LRBA: variants seen among roughly 807,000 people sequenced by gnomAD.
LRBA encodes the protein LPS responsive beige-like anchor protein.
Under a neutral mutation model 330.0 loss-of-function variants are expected in LRBA, and 176 were observed. The observed-to-expected ratio is 0.53, with a 90% confidence interval of 0.47 to 0.60. The LOEUF (loss-of-function observed/expected upper bound fraction) is 0.60, where lower values mean the gene tolerates loss of function less well. LRBA is among the 20% of genes least tolerant of loss of function. LRBA has a pLI of 0.00. For synonymous variants in LRBA, 1,230 were observed against 1,193.0 expected, an observed-to-expected ratio of 1.03 and a Z score of -0.64; for missense variants, 3,259 against 3,444.8, an observed-to-expected ratio of 0.95 and a Z score of 1.35.
chr4:150,562,085 C>G (rs563418163), intron 40 of LRBA, among the ~76,000 whole-genome samples: 1 of 125,714 alleles, frequency 8.0e-6, no homozygotes, highest in East Asian at 2.5e-4. Context: ...TCCCCCTTAG[C>G]CTCTCCTTCA....
At chr4:150,829,479 G>A (rs917462222) in intron 29 of LRBA, among the ~76,000 whole-genome samples, 1 of 152,056 alleles carries the variant, frequency 6.6e-6, no homozygotes, top group Non-Finnish European at 1.5e-5. Context: ...AACTCCAATG[G>A]TCAGTGTTCA....
intron 13 of LRBA, among the ~76,000 whole-genome samples, chr4:150,904,159 T>C (rs566220992): frequency 3.9e-5 from 6 of 152,358 alleles, no homozygotes; most frequent in South Asian, 2.1e-4. Flanking sequence ...CAGAGGTGGA[T>C]TGACCACGAA....
At chr4:150,692,894 A>G (rs971799690) in intron 36 of LRBA, among the ~76,000 whole-genome samples, 2 of 152,216 alleles carry the variant, frequency 1.3e-5, no homozygotes, top group Admixed American at 1.3e-4. Flanking sequence ...ATTAAAAGTG[A>G]AAATATGAAC....
rs189122160 is a variant in LRBA at position 150,427,596 on chromosome 4, T to A, written c.7041+7993A>T. Among the ~76,000 whole-genome samples, 3 of 151,160 alleles carry A rather than the reference T, an allele frequency of 2.0e-5. No homozygotes were observed. In the East Asian group the frequency reaches 5.9e-4, roughly 29 times the overall value. On this transcript the variant is annotated intron_variant, in intron 46 of 56. Coordinates refer to ENST00000651943, the MANE Select transcript of LRBA (RefSeq NM_001364905.1). Reference sequence around the variant, plus strand: ...AAAAAACAGAAGGAAGGAGGGAAGATAGGAAGGAGAAAGGAATGAGCACTT... The same window carrying A: ...AAAAAACAGAAGGAAGGAGGGAAGAAAGGAAGGAGAAAGGAATGAGCACTT...
intron 35 of LRBA, among the ~76,000 whole-genome samples, chr4:150,750,417 G>A (rs762111314): frequency 7.9e-5 from 12 of 151,728 alleles, no homozygotes; most frequent in South Asian, 4.2e-4. Context: ...CCTTATATCC[G>A]TTTCAATCCT....
chr4:150,277,430 A>G (rs1443554030), intron 56 of LRBA, among the ~76,000 whole-genome samples: 1 of 152,110 alleles, frequency 6.6e-6, no homozygotes, highest in African/African-American at 2.4e-5. Context: ...AAAAAAAGAT[A>G]CTTCAAAGAA....
intron 42 of LRBA, among the ~76,000 whole-genome samples, chr4:150,482,113 G>A (rs1440678697): frequency 1.3e-5 from 2 of 151,928 alleles, no homozygotes; most frequent in Non-Finnish European, 2.9e-5. Flanking sequence ...TAAACATAGA[G>A]GCTTATGTAA....
intron 2 of LRBA, among the ~76,000 whole-genome samples, chr4:150,974,950 T>C (rs1313386597): frequency 2.0e-5 from 3 of 152,108 alleles, no homozygotes; most frequent in Admixed American, 2.0e-4. Flanking sequence ...AGGCCAAAAC[T>C]TGTGGTCTGA....
At chr4:150,393,871 C>T (rs770377075) in intron 47 of LRBA, among the ~76,000 whole-genome samples, 1 of 152,140 alleles carries the variant, frequency 6.6e-6, no homozygotes, top group Non-Finnish European at 1.5e-5. Context: ...ATTCTATCAA[C>T]CAATGCTAGA....
At chr4:150,713,291 A>G (rs1045447721) in intron 36 of LRBA, among the ~76,000 whole-genome samples, 1 of 152,182 alleles carries the variant, frequency 6.6e-6, no homozygotes, top group African/African-American at 2.4e-5. Flanking sequence ...CTGTACCATA[A>G]AGAAATATAA....
intron 4 of LRBA, among the ~76,000 whole-genome samples, chr4:150,925,407 A>T (rs1303464760): frequency 6.6e-6 from 1 of 152,166 alleles, no homozygotes; most frequent in Non-Finnish European, 1.5e-5. Flanking sequence ...CTATGTGAGA[A>T]TTTCTTGGAA....
chr4:150,502,425 C>T (rs1187491060), intron 40 of LRBA, among the ~76,000 whole-genome samples: 1 of 152,136 alleles, frequency 6.6e-6, no homozygotes, highest in Non-Finnish European at 1.5e-5. Context: ...CACAACTAGG[C>T]AAAAATCACT....
Position 150,381,794 on chromosome 4 carries a change from T to C in LRBA, c.7195-31635A>G, listed in dbSNP as rs1444105857. Among the ~76,000 whole-genome samples, 4 of 152,234 alleles carry C rather than the reference T, an allele frequency of 2.6e-5. No homozygotes were observed. The East Asian group carries it at 5.8e-4, about 22-fold the overall frequency. Reference sequence around the variant, plus strand: ...ATTTTACATTCCCAAGAGTAATGCCTGAGGGTTACAGTTTTTACATATCTT... The same window carrying C: ...ATTTTACATTCCCAAGAGTAATGCCCGAGGGTTACAGTTTTTACATATCTT... On this transcript the variant is annotated intron_variant, in intron 47 of 56. Transcript: ENST00000651943.
chr4:150,399,544 G>A (rs1745191119), intron 47 of LRBA, among the ~76,000 whole-genome samples: 1 of 152,166 alleles, frequency 6.6e-6, no homozygotes, highest in Admixed American at 6.5e-5. Context: ...ATCTCATGGT[G>A]AAAATGAGAT....
chr4:150,274,999 T>C (rs1468113623), intron 56 of LRBA, among the ~76,000 whole-genome samples: 1 of 152,162 alleles, frequency 6.6e-6, no homozygotes, highest in African/African-American at 2.4e-5. Flanking sequence ...CAGGCCAATA[T>C]GCCTAATGAA....
intron 53 of LRBA, among the ~76,000 whole-genome samples, chr4:150,291,873 C>A (rs2126803592): frequency 6.6e-6 from 1 of 152,222 alleles, no homozygotes; most frequent in East Asian, 1.9e-4. Flanking sequence ...CAAATATACA[C>A]CATGGAATAC....
intron 34 of LRBA, among the ~76,000 whole-genome samples, chr4:150,788,761 C>CAA (rs34603148): frequency 8.1e-6 from 1 of 123,954 alleles, no homozygotes; most frequent in Non-Finnish European, 1.7e-5. Flanking sequence ...ACTTCGTCTC[C>CAA]AAAAAAAAAA....
intron 53 of LRBA, among the ~76,000 whole-genome samples, chr4:150,300,641 C>T (rs1027318086): frequency 3.9e-5 from 6 of 151,912 alleles, no homozygotes; most frequent in Non-Finnish European, 8.8e-5. Flanking sequence ...AGGATTTGTT[C>T]AGTCCTACTT....
intron 37 of LRBA, among the ~76,000 whole-genome samples, chr4:150,656,516 T>G (rs1299779884): frequency 6.6e-6 from 1 of 152,238 alleles, no homozygotes; most frequent in African/African-American, 2.4e-5. Context: ...CTGTCTGATC[T>G]CTGCCTGCAC....
Sources: gnomAD v4.1 joint callset for allele counts (sites outside exome capture counted in the v4.1 genomes callset) on GRCh38, gnomAD v4.1.1 for gene constraint, MANE v1.5 for transcripts, NCBI Gene and HGNC (gene_info 2026-07-23, HGNC 2026-07-21) for gene names.